TPH2: variants seen among roughly 807,000 people sequenced by gnomAD.
TPH2 encodes tryptophan 5-hydroxylase 2.
Under a neutral mutation model 59.1 loss-of-function variants are expected in TPH2, and 27 were observed. That is an observed-to-expected ratio of 0.46 (90% CI 0.34 to 0.63). TPH2 has a LOEUF of 0.63. Among genes scored for constraint, TPH2 ranks in the 30% least tolerant of loss-of-function variants. The probability of loss-of-function intolerance (pLI) is 0.01; values close to 1 mark genes in which losing one functional copy is unlikely to be tolerated. For missense variants in TPH2, 523 were observed against 588.3 expected (o/e 0.89, Z 1.15); for synonymous variants, 220 against 210.5 (o/e 1.05, Z -0.39).
intron 5 of TPH2, among the ~76,000 whole-genome samples, chr12:71,959,798 T>TGG (rs151161544): frequency 2.0e-4 from 31 of 151,384 alleles, no homozygotes; most frequent in African/African-American, 5.3e-4. Context: ...AAAACTTAAT[T>TGG]GGGGGGGGCG....
Position 72,028,062 on chromosome 12 carries a change from C to T in TPH2, c.1165-3196C>T, listed in dbSNP as rs114742643. On this transcript the variant is annotated intron_variant, in intron 9 of 10. Coordinates refer to ENST00000333850, the MANE Select transcript of TPH2 (RefSeq NM_173353.4). ...CCCTGTGCCCTTGTCTCTAGCACTA[C>T]GGGTAAATCCAAAATAGTCCTTTTA... 7.9e-3 allele frequency among the ~76,000 whole-genome samples: 1,195 copies of T among 152,212 alleles called. 13 individuals are homozygous for T. Among genetic ancestry groups the T allele is most frequent in the African/African-American group, 0.027 (1,124 of 41,516 alleles).
chr12:71,951,156 A>G (rs1871334272), intron 5 of TPH2, among the ~76,000 whole-genome samples: 1 of 152,064 alleles, frequency 6.6e-6, no homozygotes, highest in Non-Finnish European at 1.5e-5. Context: ...TCTTACCCTC[A>G]GTACCACCCC....
chr12:72,021,420 C>T (rs1190922709), intron 8 of TPH2, among the ~76,000 whole-genome samples: 2 of 149,130 alleles, frequency 1.3e-5, no homozygotes, highest in African/African-American at 4.9e-5. Flanking sequence ...ATCCGCCCCA[C>T]TGCTTTCCAA....
At chr12:72,012,811 T>A (rs1873135521) in intron 8 of TPH2, among the ~76,000 whole-genome samples, 1 of 152,180 alleles carries the variant, frequency 6.6e-6, no homozygotes, top group Non-Finnish European at 1.5e-5. Flanking sequence ...TCTTTTTTTT[T>A]ATTTTGGAAA....
intron 8 of TPH2, among the ~76,000 whole-genome samples, chr12:72,011,309 A>G (rs1244162151): frequency 6.6e-6 from 1 of 152,240 alleles, no homozygotes; most frequent in Admixed American, 6.5e-5. Context: ...AAATACCTGC[A>G]GGTCCAGAAG....
intron 8 of TPH2, among the ~76,000 whole-genome samples, chr12:72,003,200 G>A (rs1250670694): frequency 6.6e-6 from 1 of 151,990 alleles, no homozygotes; most frequent in East Asian, 1.9e-4. Flanking sequence ...GACCACTTTA[G>A]TATCTCTACA....
intron 5 of TPH2, chr12:71,964,614 A>G (rs1404235718): frequency 1.0e-6 from 1 of 985,246 alleles, no homozygotes; most frequent in East Asian, 1.1e-4. Flanking sequence ...CTATTTCATG[A>G]AGGTGGTACC....
rs1870972050 is a variant in TPH2 at position 71,938,888 on chromosome 12, GGCA to G, written c.-96_-94del. The stretch of plus-strand genomic sequence containing the variant: ...AGGGTTCTGGACAGCGCCCCAAGCA[GGCA>G]GCTGATCGCACGCCCCTTCCTCTCA... On this transcript the variant is annotated 5_prime_UTR_variant, in exon 1 of 11. Coordinates refer to ENST00000333850, the MANE Select transcript of TPH2 (RefSeq NM_173353.4). 9.9e-7 allele frequency: 1 copy of G among 1,013,256 alleles called. No homozygotes were observed. Among genetic ancestry groups the G allele is most frequent in the Admixed American group, 1.7e-5 (1 of 58,738 alleles). 62.8% of individuals were successfully genotyped at this position (1,013,256 alleles called of 1,614,324 possible).
intron 9 of TPH2, among the ~76,000 whole-genome samples, chr12:72,027,292 C>T (rs910898032): frequency 4.6e-5 from 7 of 152,140 alleles, no homozygotes; most frequent in Non-Finnish European, 5.9e-5. Context: ...AAGGGCTGCA[C>T]AAATGGTGGA....
At position 71,948,770 on chromosome 12, in the gene TPH2, A is replaced by C. The variant is rs199627433; in HGVS notation, c.541-818A>C. ...TTGCAATAACTCCTTCTGAGCTTCC[A>C]ACAGCTAGAAGAAACAACCCTGGAA... On this transcript the variant is annotated intron_variant, in intron 4 of 10. Coordinates refer to ENST00000333850, the MANE Select transcript of TPH2 (RefSeq NM_173353.4). 1.9e-4 allele frequency among the ~76,000 whole-genome samples: 29 copies of C among 152,336 alleles called. No individual in the cohort carries two copies. In the East Asian group the frequency reaches 5.6e-3, roughly 29 times the overall value.
Position 72,031,634 on chromosome 12 carries a change from G to A in TPH2, c.1412G>A (p.Arg471His), listed in dbSNP as rs138642957. The change falls in exon 11 of 11, where the codon CGC becomes CAC. Residue 471 changes from arginine to histidine, a missense_variant. Arg to His is a conservative substitution (Grantham distance 29). Transcript: ENST00000333850. ...RSIENVVQDL[R>H]SDLNTVCDAL... ...ATTGAAAATGTGGTGCAGGACCTTC[G>A]CAGCGACTTGAATACAGTGTGTGAT... 62 of 1,613,450 alleles carry A rather than the reference G, an allele frequency of 3.8e-5. No homozygotes were observed. Among genetic ancestry groups the A allele is most frequent in the East Asian group, 6.7e-5 (3 of 44,872 alleles).
At chr12:71,973,087 T>G (rs1244927932) in intron 6 of TPH2, among the ~76,000 whole-genome samples, 2 of 152,224 alleles carry the variant, frequency 1.3e-5, no homozygotes, top group Non-Finnish European at 2.9e-5. Flanking sequence ...TACTGAATGA[T>G]GATATTTTAT....
intron 8 of TPH2, 37 bp downstream of exon 8, chr12:71,994,602 T>C (rs1307745529): frequency 6.8e-6 from 11 of 1,611,690 alleles, no homozygotes; most frequent in East Asian, 2.2e-5. Context: ...GTGCTATTTA[T>C]GTCCATTTGT....
chr12:71,970,261 T>C (rs370475726), intron 5 of TPH2, among the ~76,000 whole-genome samples: 3 of 152,132 alleles, frequency 2.0e-5, no homozygotes, highest in East Asian at 1.9e-4. Context: ...TTGCACCGGT[T>C]TTTAACTCAA....
chr12:71,957,010 G>A (rs1386496), intron 5 of TPH2, among the ~76,000 whole-genome samples: 124,270 of 152,162 alleles, frequency 0.82, 51,160 homozygotes, highest in East Asian at 0.96. Flanking sequence ...GTAGCATGGT[G>A]TAGCAGAAGA....
rs773885535 is a variant in TPH2 at position 71,944,373 on chromosome 12, G to GT, written c.336dup (p.Glu113Ter). 2.5e-6 allele frequency: 4 copies of GT among 1,613,944 alleles called. No homozygotes were observed. Among genetic ancestry groups the GT allele is most frequent in the Non-Finnish European group, 2.5e-6 (3 of 1,179,862 alleles). On this transcript the variant is annotated frameshift_variant, in exon 3 of 11. Coordinates refer to ENST00000333850, the MANE Select transcript of TPH2 (RefSeq NM_173353.4). LOFTEE classifies it high-confidence loss of function. ...TCTGAGGTTGAAATCTTTGTGGACTGTGAGTGTGGGAAAACAGAATTCAAT... is the reference window on the plus strand; with the variant it reads ...TCTGAGGTTGAAATCTTTGTGGACTGTTGAGTGTGGGAAAACAGAATTCAAT...
At chr12:71,975,548 C>T (rs1331143594) in intron 6 of TPH2, among the ~76,000 whole-genome samples, 1 of 152,208 alleles carries the variant, frequency 6.6e-6, no homozygotes, top group African/African-American at 2.4e-5. Context: ...TACAAATCCT[C>T]TGCCCTTGCT....
intron 7 of TPH2, among the ~76,000 whole-genome samples, chr12:71,980,671 G>A (rs1453071621): frequency 6.6e-6 from 1 of 152,110 alleles, no homozygotes; most frequent in East Asian, 1.9e-4. Flanking sequence ...AGCCCAGAGG[G>A]TTTACCAATG....
intron 8 of TPH2, among the ~76,000 whole-genome samples, chr12:72,003,151 C>G (rs1321622664): frequency 6.6e-6 from 1 of 152,164 alleles, no homozygotes; most frequent in Non-Finnish European, 1.5e-5. Context: ...GACTTATGCA[C>G]AGCTGTAGTT....
Sources: gnomAD v4.1 joint callset for allele counts (sites outside exome capture counted in the v4.1 genomes callset) on GRCh38, gnomAD v4.1.1 for gene constraint, MANE v1.5 for transcripts, NCBI Gene and HGNC (gene_info 2026-07-23, HGNC 2026-07-21) for gene names.